NTRK3: variants seen among roughly 807,000 people sequenced by gnomAD.
The protein encoded by NTRK3 is NT-3 growth factor receptor.
A neutral mutation model predicts 91.7 loss-of-function variants in NTRK3; 24 were observed. That is an observed-to-expected ratio of 0.26 (90% CI 0.19 to 0.37). The LOEUF is 0.37. NTRK3 is among the 10% of genes least tolerant of loss of function. The probability of loss-of-function intolerance (pLI) is 1.00; values close to 1 mark genes in which losing one functional copy is unlikely to be tolerated. For missense variants in NTRK3, 880 were observed against 1,068.9 expected, an observed-to-expected ratio of 0.82 and a Z score of 2.46; for synonymous variants, 483 against 404.0, an observed-to-expected ratio of 1.20 and a Z score of -2.34.
intron 4 of NTRK3, among the ~76,000 whole-genome samples, chr15:88,183,975 C>T (rs1378977187): frequency 6.6e-6 from 1 of 152,078 alleles, no homozygotes; most frequent in Non-Finnish European, 1.5e-5. Context: ...TGAAACCCTA[C>T]CTTCAAGATG....
At chr15:88,047,852 C>T (rs2080382767) in intron 13 of NTRK3, among the ~76,000 whole-genome samples, 1 of 152,120 alleles carries the variant, frequency 6.6e-6, no homozygotes, top group South Asian at 2.1e-4. Flanking sequence ...GTAACTTAGG[C>T]CTCCTGTGTG....
chr15:87,902,880 C>T lies in NTRK3; in HGVS notation c.2134-22452G>A, dbSNP rs148450469. Among the ~76,000 whole-genome samples the T allele has an allele frequency of 8.3e-3, 1,270 of 152,252 alleles. 16 individuals carry two copies. Among genetic ancestry groups the T allele is most frequent in the African/African-American group, 0.029 (1,193 of 41,528 alleles). ...GACATGCCCAGCTAGGATGAAACTA[C>T]GATAAGCCTCCTCTCACCCCGACTC... On this transcript the variant is annotated intron_variant, in intron 17 of 18. Transcript: ENST00000394480.
chr15:88,251,852 TAGATGAGGACTTTCAA>T (rs1046532287), intron 3 of NTRK3, among the ~76,000 whole-genome samples: 2 of 152,116 alleles, frequency 1.3e-5, no homozygotes, highest in Non-Finnish European at 2.9e-5. Context: ...CTGGGGCCAG[TAGATGAGGACTTTCAA>T]AGCAGTGGCC....
chr15:88,157,051 G>A (rs2043971494), intron 5 of NTRK3, among the ~76,000 whole-genome samples: 1 of 151,964 alleles, frequency 6.6e-6, no homozygotes, highest in Non-Finnish European at 1.5e-5. Context: ...CCTGCAGGGT[G>A]CGGCTTCTGC....
intron 17 of NTRK3, among the ~76,000 whole-genome samples, chr15:87,910,766 T>C (rs2067045118): frequency 6.6e-6 from 1 of 152,162 alleles, no homozygotes; most frequent in African/African-American, 2.4e-5. Context: ...AAAGCATAAC[T>C]GAGGCATTCA....
At chr15:87,922,851 G>A (rs567539732) in intron 17 of NTRK3, among the ~76,000 whole-genome samples, 28 of 152,032 alleles carry the variant, frequency 1.8e-4, no homozygotes, top group Non-Finnish European at 4.0e-4. Flanking sequence ...CATTCCCTTT[G>A]ATTTGGAACA....
At chr15:87,887,511 A>T (rs1325198092) in intron 17 of NTRK3, among the ~76,000 whole-genome samples, 1 of 152,188 alleles carries the variant, frequency 6.6e-6, no homozygotes, top group South Asian at 2.1e-4. Flanking sequence ...AAGTATATAC[A>T]CAAAGTACAG....
At chr15:88,100,577 A>G (rs2150864606) in intron 13 of NTRK3, among the ~76,000 whole-genome samples, 1 of 152,340 alleles carries the variant, frequency 6.6e-6, no homozygotes, top group African/African-American at 2.4e-5. Context: ...TGCAGCCAGG[A>G]TGTCACAGAA....
At chr15:88,232,646 A>G (rs1485933846) in intron 3 of NTRK3, among the ~76,000 whole-genome samples, 1 of 152,188 alleles carries the variant, frequency 6.6e-6, no homozygotes, top group African/African-American at 2.4e-5. Context: ...TAATACCTCC[A>G]TGAAGCAACC....
intron 14 of NTRK3, among the ~76,000 whole-genome samples, chr15:87,955,559 G>A (rs1245109134): frequency 6.6e-6 from 1 of 152,214 alleles, no homozygotes; most frequent in African/African-American, 2.4e-5. Context: ...AACCCTACGA[G>A]GGGTTGAATG....
In NTRK3 at chr15:87,884,665, G is replaced by T. The variant is rs148807572; in HGVS notation, c.2134-4237C>A. On this transcript the variant is annotated intron_variant, in intron 17 of 18. Transcript: ENST00000394480. ...TCCATATTATATATAGCTCAATAAG[G>T]TTTACCCTAGAAATGTAAGAATGTC... 5.1e-3 allele frequency among the ~76,000 whole-genome samples: 768 copies of T among 151,662 alleles called. 8 individuals carry two copies. The highest frequency in any genetic ancestry group is 0.017 in the African/African-American group (702 of 41,458).
chr15:88,250,509 G>C (rs572020245), intron 3 of NTRK3, among the ~76,000 whole-genome samples: 22 of 152,330 alleles, frequency 1.4e-4, no homozygotes, highest in African/African-American at 5.1e-4. Context: ...GTAGGCACTA[G>C]ACCATCGTTT....
At chr15:87,878,904 ATGGTGTG>A (rs869159003) in intron 18 of NTRK3, among the ~76,000 whole-genome samples, 1 of 122,088 alleles carries the variant, frequency 8.2e-6, no homozygotes, top group Non-Finnish European at 1.7e-5. Flanking sequence ...AGGTGCATGC[ATGGTGTG>A]TGTGTGTGTG....
chr15:88,232,645 C>T (rs1188202925), intron 3 of NTRK3, among the ~76,000 whole-genome samples: 1 of 152,214 alleles, frequency 6.6e-6, no homozygotes, highest in Non-Finnish European at 1.5e-5. Context: ...TTAATACCTC[C>T]ATGAAGCAAC....
chr15:87,883,459 A>G (rs1016453258), intron 17 of NTRK3, among the ~76,000 whole-genome samples: 2 of 150,356 alleles, frequency 1.3e-5, no homozygotes, highest in African/African-American at 4.8e-5. Context: ...AAACTGACAA[A>G]GCTATCATTA....
At chr15:87,942,293 G>T (rs894995662) in intron 14 of NTRK3, among the ~76,000 whole-genome samples, 1 of 152,204 alleles carries the variant, frequency 6.6e-6, no homozygotes, top group African/African-American at 2.4e-5. Flanking sequence ...GCTGCAATGC[G>T]GCTGCTACAC....
chr15:87,951,361 C>G (rs1276297894), intron 14 of NTRK3, among the ~76,000 whole-genome samples: 1 of 152,200 alleles, frequency 6.6e-6, no homozygotes, highest in Non-Finnish European at 1.5e-5. Context: ...TTCAAAACAA[C>G]CTTGCTGCCT....
chr15:88,152,233 G>A (rs938510900), intron 5 of NTRK3, among the ~76,000 whole-genome samples: 13 of 152,128 alleles, frequency 8.5e-5, no homozygotes, highest in African/African-American at 3.1e-4. Flanking sequence ...CCCAGGAGGT[G>A]GAAGTTGCAG....
At position 88,141,084 on chromosome 15, in the gene NTRK3, G is replaced by A. The variant is rs886786782; in HGVS notation, c.465-3523C>T. On this transcript the variant is annotated intron_variant, in intron 6 of 18. Transcript: ENST00000394480. Reference sequence around the variant, plus strand: ...CAGAAAGGAAGAGAGGACACATTACGAATGAGGTTGGGATGGGGGTGAGGC... The same window carrying A: ...CAGAAAGGAAGAGAGGACACATTACAAATGAGGTTGGGATGGGGGTGAGGC... Among the ~76,000 whole-genome samples the A allele has an allele frequency of 3.3e-5, 5 of 152,122 alleles. No homozygotes were observed. The East Asian group carries it at 5.8e-4, about 18-fold the overall frequency.
Sources: gnomAD v4.1 joint callset for allele counts (sites outside exome capture counted in the v4.1 genomes callset) on GRCh38, gnomAD v4.1.1 for gene constraint, MANE v1.5 for transcripts, NCBI Gene and HGNC (gene_info 2026-07-23, HGNC 2026-07-21) for gene names.